Variants in EEF1AKMT2 observed in about 807,000 individuals in gnomAD.
EEF1AKMT2 encodes eukaryotic translation elongation factor 1 alpha lysine methyltransferase 2.
A neutral mutation model predicts 35.8 loss-of-function variants in EEF1AKMT2; 32 were observed. The observed-to-expected ratio is 0.89, with a 90% confidence interval of 0.67 to 1.20. The LOEUF (loss-of-function observed/expected upper bound fraction) is 1.20, where lower values mean the gene tolerates loss of function less well. Ranked by LOEUF, EEF1AKMT2 falls within the 50% of genes most tolerant of loss-of-function variation. The probability of loss-of-function intolerance (pLI) is 0.00; values close to 1 mark genes in which losing one functional copy is unlikely to be tolerated. For synonymous variants in EEF1AKMT2, 121 were observed against 133.7 expected (o/e 0.91, Z 0.65); for missense variants, 330 against 347.5 (o/e 0.95, Z 0.40).
intron 3 of EEF1AKMT2, among the ~76,000 whole-genome samples, chr10:124,784,873 G>A (rs1950571175): frequency 6.7e-6 from 1 of 149,124 alleles, no homozygotes; most frequent in Admixed American, 6.8e-5. Context: ...AGAGGTTGAA[G>A]TGAACCAAGA....
At position 124,760,084 on chromosome 10, in the gene EEF1AKMT2, A is replaced by G. The variant is rs1014056733; in HGVS notation, c.*419T>C. On this transcript the variant is annotated 3_prime_UTR_variant, in exon 7 of 7. Coordinates refer to ENST00000368836, the MANE Select transcript of EEF1AKMT2 (RefSeq NM_212554.4). ...TTATCAACTTTACCAAGGCACAAAA[A>G]TCAAGAATACATGCTTTCTATAAAC... 7.1e-6 allele frequency: 2 copies of G among 282,434 alleles called. No homozygotes were observed. Among genetic ancestry groups the G allele is most frequent in the African/African-American group, 4.3e-5 (2 of 46,208 alleles). The allele number at this position is 282,434 out of a possible 1,614,324, so 17.5% of individuals were successfully genotyped here.
chr10:124,758,044 G>A lies in EEF1AKMT2; in HGVS notation c.*2459C>T, dbSNP rs910200174. ...GCACACGCACTTCCTACACACAGAAGTGGCCTGTTATGCAGCAATAATCAT... is the reference window on the plus strand; with the variant it reads ...GCACACGCACTTCCTACACACAGAAATGGCCTGTTATGCAGCAATAATCAT... On this transcript the variant is annotated 3_prime_UTR_variant, in exon 7 of 7. Transcript: ENST00000368836. The A allele has an allele frequency of 1.3e-5, 2 of 152,190 alleles. No individual in the cohort carries two copies. The highest frequency in any genetic ancestry group is 1.3e-4 in the Admixed American group (2 of 15,270). 9.4% of individuals were successfully genotyped at this position (152,190 alleles called of 1,614,324 possible). A position where few individuals can be genotyped will look rare whatever the true frequency, so the allele number is the denominator to read the frequency against.
chr10:124,771,596 A>G (rs980397605), intron 4 of EEF1AKMT2, among the ~76,000 whole-genome samples: 2 of 151,724 alleles, frequency 1.3e-5, no homozygotes, highest in South Asian at 2.1e-4. Context: ...TCGGCTGGGC[A>G]TGGTGGCTCA....
chr10:124,764,365 G>A lies in EEF1AKMT2; in HGVS notation c.616+1027C>T, dbSNP rs77131715. Among the ~76,000 whole-genome samples, 134 of 150,240 alleles carry A rather than the reference G, an allele frequency of 8.9e-4. 2 individuals are homozygous for A. The East Asian group carries it at 0.019, about 22-fold the overall frequency. On this transcript the variant is annotated intron_variant, in intron 5 of 6. Coordinates refer to ENST00000368836, the MANE Select transcript of EEF1AKMT2 (RefSeq NM_212554.4). ...TCTAAGAAAAAACAAGCAAATATCT[G>A]TAGATTCTCAAGATACTTTCCCAGA... is the stretch of plus-strand genomic sequence containing the variant.
At chr10:124,761,636 C>T (rs11595063) in intron 6 of EEF1AKMT2, among the ~76,000 whole-genome samples, 20,988 of 152,222 alleles carry the variant, frequency 0.14, 1,662 homozygotes, top group African/African-American at 0.2. Context: ...TCAGCTTCAG[C>T]ACTTACTAAA....
intron 4 of EEF1AKMT2, among the ~76,000 whole-genome samples, chr10:124,772,491 C>T (rs954496672): frequency 1.5e-5 from 2 of 132,658 alleles, no homozygotes; most frequent in African/African-American, 2.9e-5. Flanking sequence ...TGCAGTTGCG[C>T]GATCTTGGCT....
chr10:124,784,866 G>C (rs1339109354), intron 3 of EEF1AKMT2, among the ~76,000 whole-genome samples: 1 of 150,586 alleles, frequency 6.6e-6, no homozygotes, highest in Non-Finnish European at 1.5e-5. Context: ...CAAAGGCAGA[G>C]GTTGAAGTGA....
chr10:124,768,905 C>G (rs1257492363), intron 4 of EEF1AKMT2, among the ~76,000 whole-genome samples: 1 of 151,856 alleles, frequency 6.6e-6, no homozygotes, highest in Non-Finnish European at 1.5e-5. Flanking sequence ...ATTGAGATAA[C>G]AAGAAATGAT....
At position 124,791,802 on chromosome 10, in the gene EEF1AKMT2, G is replaced by A. The variant is rs771237610; in HGVS notation, c.32C>T (p.Ala11Val). MSSGADGGGG[A>V]AVAARSDKGS... is the part of the protein sequence containing the mutation. ...CTTGTCCGACCGCGCCGCCACCGCA[G>A]CGCCACCGCCGCCGTCAGCGCCCGA... Residue 11 changes from alanine (A) to valine (V), a missense_variant, in exon 1 of 7, where the codon GCT (alanine) becomes GTT (valine). Coordinates refer to ENST00000368836, the MANE Select transcript of EEF1AKMT2 (RefSeq NM_212554.4). 6 of 1,589,040 alleles carry A rather than the reference G, an allele frequency of 3.8e-6. No homozygotes were observed. The highest frequency in any genetic ancestry group is 5.1e-6 in the Non-Finnish European group (6 of 1,173,046).
intron 1 of EEF1AKMT2, among the ~76,000 whole-genome samples, chr10:124,790,826 G>A (rs922153694): frequency 1.3e-5 from 2 of 152,068 alleles, no homozygotes; most frequent in African/African-American, 4.8e-5. Context: ...GTGCAGTGGC[G>A]CGATCTCGGC....
intron 4 of EEF1AKMT2, among the ~76,000 whole-genome samples, chr10:124,766,039 C>T (rs988880697): frequency 6.6e-6 from 1 of 152,028 alleles, no homozygotes; most frequent in Middle Eastern, 3.2e-3. Context: ...CTATGTTGCC[C>T]GGGATAGACT....
chr10:124,777,328 A>G (rs543053658), intron 3 of EEF1AKMT2, among the ~76,000 whole-genome samples: 1 of 152,118 alleles, frequency 6.6e-6, no homozygotes, highest in Non-Finnish European at 1.5e-5. Flanking sequence ...ACAGAATATA[A>G]GATGTAACAC....
chr10:124,785,895 C>CAA (rs34637624), intron 3 of EEF1AKMT2, among the ~76,000 whole-genome samples: 18,647 of 58,490 alleles, frequency 0.32, 3,695 homozygotes, highest in Non-Finnish European at 0.36. Context: ...GACTCTGTCT[C>CAA]AAAAAAAAAA....
intron 3 of EEF1AKMT2, among the ~76,000 whole-genome samples, chr10:124,777,846 T>C (rs959081523): frequency 6.6e-6 from 1 of 152,116 alleles, no homozygotes; most frequent in African/African-American, 2.4e-5. Flanking sequence ...AAGATATCTG[T>C]ACATAGAAAG....
chr10:124,764,933 ACT>A (rs1460197617), intron 5 of EEF1AKMT2, among the ~76,000 whole-genome samples: 1 of 152,068 alleles, frequency 6.6e-6, no homozygotes, highest in Non-Finnish European at 1.5e-5. Flanking sequence ...GATGTGTCTC[ACT>A]CTGTCACCCA....
intron 4 of EEF1AKMT2, among the ~76,000 whole-genome samples, chr10:124,773,698 C>A (rs528230564): frequency 6.6e-6 from 1 of 152,148 alleles, no homozygotes; most frequent in African/African-American, 2.4e-5. Flanking sequence ...GTTCATGGCA[C>A]GCCAAAACAA....
chr10:124,787,978 A>G (rs1950601489), intron 3 of EEF1AKMT2, among the ~76,000 whole-genome samples: 1 of 152,236 alleles, frequency 6.6e-6, no homozygotes, highest in African/African-American at 2.4e-5. Context: ...AAACATTTTA[A>G]CAATTCCCCA....
Position 124,760,173 on chromosome 10 carries a change from A to C in EEF1AKMT2, c.*330T>G. On this transcript the variant is annotated 3_prime_UTR_variant, in exon 7 of 7. Transcript: ENST00000368836. ...ATAGGAAATTTTTTTAATCGAAAAG[A>C]AAACTATTTACATTTCAAATACAAA... is the stretch of plus-strand genomic sequence containing the variant. The C allele has an allele frequency of 2.5e-6, 1 of 404,048 alleles. No homozygotes were observed. The highest frequency in any genetic ancestry group is 4.4e-6 in the Non-Finnish European group (1 of 228,506). 25.0% of individuals were successfully genotyped at this position (404,048 alleles called of 1,614,324 possible). A position where few individuals can be genotyped will look rare whatever the true frequency, so the allele number is the denominator to read the frequency against.
intron 3 of EEF1AKMT2, among the ~76,000 whole-genome samples, chr10:124,781,804 G>A (rs1186566219): frequency 6.7e-6 from 1 of 148,928 alleles, no homozygotes; most frequent in South Asian, 2.1e-4. Flanking sequence ...TAAATATCTA[G>A]GTGAATATAA....
Sources: allele counts gnomAD v4.1 joint callset (sites outside exome capture counted in the v4.1 genomes callset), GRCh38; gene constraint gnomAD v4.1.1; transcripts MANE v1.5; gene names NCBI Gene and HGNC (gene_info 2026-07-23, HGNC 2026-07-21).